The following TBC1D15 variants were observed in gnomAD, a reference collection of about 807,000 sequenced individuals.
The protein encoded by TBC1D15 is TBC1 domain family member 15.
A neutral mutation model predicts 95.4 loss-of-function variants in TBC1D15; 39 were observed. The ratio of observed to expected loss-of-function variants is 0.41; its 90% CI spans 0.32 to 0.53. TBC1D15 has a LOEUF of 0.53. Among genes scored for constraint, TBC1D15 ranks in the 20% least tolerant of loss-of-function variants. The pLI is 0.29. For missense variants in TBC1D15, 733 were observed against 794.3 expected (o/e 0.92, Z 0.93); for synonymous variants, 258 against 261.3 (o/e 0.99, Z 0.12).
chr12:71,866,606 T>C (rs1313419524), intron 1 of TBC1D15, among the ~76,000 whole-genome samples: 1 of 152,150 alleles, frequency 6.6e-6, no homozygotes, highest in Non-Finnish European at 1.5e-5. Flanking sequence ...ACTCTAGTGC[T>C]CTCCCTCAGT....
In TBC1D15 at chr12:71,894,547, A is replaced by T. The variant is rs115539895; in HGVS notation, c.658-139A>T. 2,385 of 1,087,134 alleles carry T rather than the reference A, an allele frequency of 2.2e-3. 43 individuals are homozygous for T. In the African/African-American group the frequency reaches 0.034, roughly 16 times the overall value. The allele number at this position is 1,087,134 out of a possible 1,614,324, so 67.3% of individuals were successfully genotyped here. A position where few individuals can be genotyped will look rare whatever the true frequency, so the allele number is the denominator to read the frequency against. ...TTTTCTTTGAAGAAAGAAAATACAA[A>T]TTTAAGATAATCTTAGAACACTCTG... On this transcript the variant is annotated intron_variant, in intron 6 of 16. Coordinates refer to ENST00000485960, the MANE Select transcript of TBC1D15 (RefSeq NM_001146213.3).
intron 1 of TBC1D15, among the ~76,000 whole-genome samples, chr12:71,858,040 A>G (rs1889497672): frequency 6.6e-6 from 1 of 151,984 alleles, no homozygotes; most frequent in Admixed American, 6.6e-5. Flanking sequence ...ATGGCTTAAT[A>G]GTATACCATT....
At chr12:71,896,199 A>G in intron 8 of TBC1D15, 124 bp downstream of exon 8, 2 of 835,764 alleles carry the variant, frequency 2.4e-6, no homozygotes, top group South Asian at 2.1e-5. Context: ...TGGTGGGGGA[A>G]GTAGGGAGGA....
At chr12:71,922,908 A>G (rs963528802) in intron 16 of TBC1D15, 75 bp from the exon 17 acceptor site, 1 of 1,359,590 alleles carries the variant, frequency 7.4e-7, no homozygotes, top group African/African-American at 1.4e-5. Context: ...ATGTAGTCTT[A>G]AACAGAAGTG....
intron 7 of TBC1D15, among the ~76,000 whole-genome samples, chr12:71,895,432 A>G (rs1409004464): frequency 1.3e-5 from 2 of 152,094 alleles, no homozygotes; most frequent in African/African-American, 2.4e-5. Context: ...TGCAAATACT[A>G]TTTTAAAATT....
At chr12:71,915,414 C>T (rs1393791909) in intron 12 of TBC1D15, among the ~76,000 whole-genome samples, 1 of 145,408 alleles carries the variant, frequency 6.9e-6, no homozygotes, top group East Asian at 2.0e-4. Context: ...AATCTTTCCC[C>T]AGTGATTAGT....
intron 3 of TBC1D15, among the ~76,000 whole-genome samples, chr12:71,880,077 T>C (rs529635183): frequency 6.6e-6 from 1 of 152,308 alleles, no homozygotes; most frequent in South Asian, 2.1e-4. Flanking sequence ...GGCTCTTTTC[T>C]TTAAATAACT....
intron 11 of TBC1D15, among the ~76,000 whole-genome samples, chr12:71,910,776 A>G (rs1902051790): frequency 6.6e-6 from 1 of 152,176 alleles, no homozygotes; most frequent in African/African-American, 2.4e-5. Flanking sequence ...GACAAATGGG[A>G]TCTAATTAAA....
At chr12:71,917,167 T>C (rs948295406) in intron 12 of TBC1D15, among the ~76,000 whole-genome samples, 4 of 152,194 alleles carry the variant, frequency 2.6e-5, no homozygotes, top group African/African-American at 9.6e-5. Context: ...GTATCACACA[T>C]CATACAGCCT....
intron 10 of TBC1D15, among the ~76,000 whole-genome samples, chr12:71,900,886 C>T (rs145628020): frequency 6.6e-6 from 1 of 152,204 alleles, no homozygotes; most frequent in African/African-American, 2.4e-5. Context: ...GGAGGGGGTT[C>T]TCTTACCACT....
Position 71,923,131 on chromosome 12 carries a change from C to A in TBC1D15, c.1952C>A (p.Ala651Asp), listed in dbSNP as rs936475983. ...FQSNALPTLS[A>D]SGARNDSPTQ... The stretch of plus-strand genomic sequence containing the variant: ...AGTAATGCCTTGCCTACACTCTCTG[C>A]CAGTGGAGCCAGAAATGACAGCCCA... The change falls in exon 17 of 17, where the codon GCC becomes GAC. Residue 651 changes from alanine (A) to aspartate (D), a missense_variant. Ala to Asp is a moderately radical substitution (Grantham distance 126). Transcript: ENST00000485960. 1 of 1,614,066 alleles carries A rather than the reference C, an allele frequency of 6.2e-7. No homozygotes were observed. Among genetic ancestry groups the A allele is most frequent in the African/African-American group, 1.3e-5 (1 of 74,926 alleles).
chr12:71,877,563 T>TTCCTTCCTTC (rs1565994049), intron 3 of TBC1D15, among the ~76,000 whole-genome samples: 2 of 110,496 alleles, frequency 1.8e-5, no homozygotes, highest in Non-Finnish European at 3.9e-5. Context: ...TTCCTTCCTT[T>TTCCTTCCTTC]CTTCTTTTTC....
At chr12:71,887,891 A>G (rs1896543173) in intron 5 of TBC1D15, among the ~76,000 whole-genome samples, 3 of 152,244 alleles carry the variant, frequency 2.0e-5, no homozygotes. Context: ...TGCAATAAAT[A>G]TTAGTTGAAT....
intron 1 of TBC1D15, among the ~76,000 whole-genome samples, chr12:71,871,162 AACTT>A (rs1355397665): frequency 5.3e-5 from 8 of 152,166 alleles, no homozygotes; most frequent in African/African-American, 1.2e-4. Context: ...TAAATGTTTA[AACTT>A]ACTTAGGAGT....
intron 3 of TBC1D15, among the ~76,000 whole-genome samples, chr12:71,877,818 C>G (rs527561005): frequency 6.6e-6 from 1 of 152,002 alleles, no homozygotes. Flanking sequence ...AGTCCATTTC[C>G]CTCTAGTGAC....
chr12:71,901,097 C>T (rs1207697730), intron 10 of TBC1D15, among the ~76,000 whole-genome samples: 3 of 152,126 alleles, frequency 2.0e-5, no homozygotes, highest in Non-Finnish European at 2.9e-5. Flanking sequence ...GTGGCACAAT[C>T]ATAATTCACT....
At chr12:71,903,987 G>A (rs1019792366) in intron 10 of TBC1D15, among the ~76,000 whole-genome samples, 13 of 152,272 alleles carry the variant, frequency 8.5e-5, no homozygotes, top group Middle Eastern at 3.4e-3. Flanking sequence ...ACTTGGCAAT[G>A]TACCCCTTGA....
chr12:71,845,496 T>C (rs1886069166), intron 1 of TBC1D15, among the ~76,000 whole-genome samples: 1 of 152,208 alleles, frequency 6.6e-6, no homozygotes, highest in Non-Finnish European at 1.5e-5. Context: ...GAATTGGGAA[T>C]ATAGAAGAAG....
chr12:71,872,035 A>G, intron 1 of TBC1D15, 35 bp from the exon 2 acceptor site: 1 of 1,026,420 alleles, frequency 9.7e-7, no homozygotes. Flanking sequence ...TACTCAATAG[A>G]AATTATGTGA....
Sources: allele counts gnomAD v4.1 joint callset (sites outside exome capture counted in the v4.1 genomes callset), GRCh38; gene constraint gnomAD v4.1.1; transcripts MANE v1.5; gene names NCBI Gene and HGNC (gene_info 2026-07-23, HGNC 2026-07-21).